Variants in FXYD7 observed in about 807,000 individuals in gnomAD.
FXYD7 encodes FXYD domain containing ion transport regulator 7.
Under a neutral mutation model 15.3 loss-of-function variants are expected in FXYD7, and 7 were observed. The observed-to-expected ratio is 0.46, with a 90% CI of 0.26 to 0.86. The LOEUF is 0.86. Among genes scored for constraint, FXYD7 ranks in the 40% least tolerant of loss-of-function variants. The probability of loss-of-function intolerance (pLI) is 0.16; values close to 1 mark genes in which losing one functional copy is unlikely to be tolerated. For synonymous variants in FXYD7, 39 were observed against 39.3 expected (o/e 0.99, Z 0.03); for missense variants, 78 against 100.6 (o/e 0.78, Z 0.96).
At chr19:35,144,773 G>A (rs1347645448) in intron 1 of FXYD7, among the ~76,000 whole-genome samples, 2 of 152,062 alleles carry the variant, frequency 1.3e-5, no homozygotes, top group East Asian at 1.9e-4. Context: ...GGCAGCAGAC[G>A]GGCAGAGGTG....
chr19:35,146,596 C>G (rs1240964360), intron 1 of FXYD7, among the ~76,000 whole-genome samples: 1 of 152,196 alleles, frequency 6.6e-6, no homozygotes, highest in African/African-American at 2.4e-5. Flanking sequence ...AGTAAATGCG[C>G]TGATATCTGT....
In FXYD7 at chr19:35,143,697, G is replaced by A. The variant is rs1232382405; in HGVS notation, c.31+333G>A. Among the ~76,000 whole-genome samples, 2 of 152,206 alleles carry A rather than the reference G, an allele frequency of 1.3e-5. No homozygotes were observed. The highest frequency in any genetic ancestry group is 3.9e-4 in the East Asian group (2 of 5,192). Reference sequence around the variant, plus strand: ...CGGGGAAGAGATGAGCTTGCAGGGTGGGAGCGGGTGGGTCTGCGACCAGAG... The same window carrying A: ...CGGGGAAGAGATGAGCTTGCAGGGTAGGAGCGGGTGGGTCTGCGACCAGAG... On this transcript the variant is annotated intron_variant, in intron 1 of 5. Coordinates refer to ENST00000270310, the MANE Select transcript of FXYD7 (RefSeq NM_022006.2). The surrounding 1 kb of genome is among the most constrained non-coding windows in gnomAD (Gnocchi z 4.3).
At chr19:35,153,446 G>A (rs1175940757) in intron 5 of FXYD7, among the ~76,000 whole-genome samples, 2 of 152,174 alleles carry the variant, frequency 1.3e-5, no homozygotes, top group Non-Finnish European at 2.9e-5. Context: ...CTTGTCACCT[G>A]GGGCACAGCT....
intron 1 of FXYD7, among the ~76,000 whole-genome samples, chr19:35,146,763 AG>A (rs1024645937): frequency 2.0e-5 from 3 of 152,116 alleles, no homozygotes; most frequent in African/African-American, 7.2e-5. Flanking sequence ...TCTTAGGTAA[AG>A]GGGGGAGATT....
Position 35,151,311 on chromosome 19 carries a change from G to A in FXYD7, c.119G>A (p.Gly40Asp). 6.2e-7 allele frequency: 1 copy of A among 1,609,056 alleles called. No homozygotes were observed. Among genetic ancestry groups the A allele is most frequent in the Non-Finnish European group, 8.5e-7 (1 of 1,175,412 alleles). ...CTGGCAACCATCTTGTTCCTGCTGG[G>A]TATCCTCATCGTCATCAGTAAGTGC... ...MTLATILFLL[G>D]ILIVISKKVK... The change falls in exon 3 of 6, where the codon GGT (glycine) becomes GAT (aspartate). Residue 40 changes from glycine to aspartate, a missense_variant. Physicochemically the swap from Gly to Asp is moderately conservative, Grantham distance 94. Transcript: ENST00000270310.
intron 5 of FXYD7, among the ~76,000 whole-genome samples, chr19:35,152,636 T>G (rs2065315596): frequency 6.8e-6 from 1 of 147,520 alleles, no homozygotes; most frequent in Non-Finnish European, 1.5e-5. Context: ...GGGGAGAGAG[T>G]GGAGAGGACG....
intron 4 of FXYD7, 72 bp from the exon 5 acceptor site, chr19:35,151,561 C>A: frequency 6.3e-7 from 1 of 1,588,838 alleles, no homozygotes; most frequent in Non-Finnish European, 8.6e-7. Context: ...ACTGGGCCTG[C>A]CATGCGTTTT....
intron 1 of FXYD7, among the ~76,000 whole-genome samples, chr19:35,144,451 A>G (rs942045896): frequency 3.3e-5 from 5 of 152,316 alleles, no homozygotes; most frequent in Non-Finnish European, 7.4e-5. Flanking sequence ...TGAGCAAGGC[A>G]CAGACTGCTT....
At position 35,148,896 on chromosome 19, in the gene FXYD7, A is replaced by G. The variant is rs1017723336; in HGVS notation, c.61+173A>G. 6.7e-6 allele frequency: 5 copies of G among 746,770 alleles called. No individual in the cohort carries two copies. In the African/African-American group the frequency reaches 8.5e-5, roughly 13 times the overall value. 46.3% of individuals were successfully genotyped at this position (746,770 alleles called of 1,614,324 possible). Reference sequence around the variant, plus strand: ...CTGAGTTCATGGAGGGCAGAACCAGATGGGGGAGTGGGGATGCCTCACACT... The same window carrying G: ...CTGAGTTCATGGAGGGCAGAACCAGGTGGGGGAGTGGGGATGCCTCACACT... On this transcript the variant is annotated intron_variant, in intron 2 of 5. Coordinates refer to ENST00000270310, the MANE Select transcript of FXYD7 (RefSeq NM_022006.2).
At chr19:35,152,436 C>T (rs1201735847) in intron 5 of FXYD7, among the ~76,000 whole-genome samples, 1 of 147,528 alleles carries the variant, frequency 6.8e-6, no homozygotes, top group Non-Finnish European at 1.5e-5. Flanking sequence ...CTTGATCGTT[C>T]AGCCAGGCAG....
At chr19:35,150,796 T>G (rs1206106376) in intron 2 of FXYD7, among the ~76,000 whole-genome samples, 2 of 152,080 alleles carry the variant, frequency 1.3e-5, no homozygotes, top group African/African-American at 2.4e-5. Flanking sequence ...GGTTTCTACC[T>G]TGAGGGCAAT....
Position 35,154,199 on chromosome 19 carries a change from T to C in FXYD7, c.*283T>C. On this transcript the variant is annotated 3_prime_UTR_variant, in exon 6 of 6. Transcript: ENST00000270310. ...CCAGCACCCCCAGCATCCCCGTGTA[T>C]GGCCCCCCTGCACCTCCTTGTCTCA... 2 of 530,912 alleles carry C rather than the reference T, an allele frequency of 3.8e-6. No individual in the cohort carries two copies. Among genetic ancestry groups the C allele is most frequent in the Non-Finnish European group, 3.3e-6 (1 of 300,634 alleles). The allele number at this position is 530,912 out of a possible 1,614,324, so 32.9% of individuals were successfully genotyped here.
intron 2 of FXYD7, among the ~76,000 whole-genome samples, chr19:35,150,819 G>A (rs2065306937): frequency 6.6e-6 from 1 of 152,080 alleles, no homozygotes; most frequent in African/African-American, 2.4e-5. Context: ...GCGGGAGGAG[G>A]GCTCTGAGCA....
Position 35,143,256 on chromosome 19 carries a change from A to G in FXYD7, c.-78A>G. ...AGGGCTCCCCCCAGCTCCCCCCCAC[A>G]TCGGTCCGTCCTGCTTCCAGCTGCT... On this transcript the variant is annotated 5_prime_UTR_variant, in exon 1 of 6. Transcript: ENST00000270310. The surrounding 1 kb of genome is among the most constrained non-coding windows in gnomAD (Gnocchi z 4.3). The G allele has an allele frequency of 1.6e-6, 1 of 634,588 alleles. No individual in the cohort carries two copies. Among genetic ancestry groups the G allele is most frequent in the South Asian group, 1.6e-5 (1 of 63,704 alleles). The allele number at this position is 634,588 out of a possible 1,614,324, so 39.3% of individuals were successfully genotyped here. A position where few individuals can be genotyped will look rare whatever the true frequency, so the allele number is the denominator to read the frequency against.
Position 35,143,348 on chromosome 19 carries a change from C to A in FXYD7, c.15C>A (p.Thr5=). 2 of 1,527,074 alleles carry A rather than the reference C, an allele frequency of 1.3e-6. No individual in the cohort carries two copies. Among genetic ancestry groups the A allele is most frequent in the Non-Finnish European group, 1.8e-6 (2 of 1,138,330 alleles). The allele number at this position is 1,527,074 out of a possible 1,614,324, so 94.6% of individuals were successfully genotyped here. A position where few individuals can be genotyped will look rare whatever the true frequency, so the allele number is the denominator to read the frequency against. MATP[T]QTPTKAPEEP... is the part of the protein sequence containing the mutation. ...TCCGGCCCAGCATGGCGACCCCGAC[C>A]CAGACCCCCACAAAGGGTGAGCGTC... is the stretch of plus-strand genomic sequence containing the variant. Residue 5 remains threonine (T), a synonymous_variant, in exon 1 of 6, where the codon ACC becomes ACA. Coordinates refer to ENST00000270310, the MANE Select transcript of FXYD7 (RefSeq NM_022006.2). This position sits in a 1 kb window ranked among gnomAD's most constrained non-coding sequence, Gnocchi z 4.3.
rs974286830 is a variant in FXYD7, at chr19:35,154,146, C to G, written c.*230C>G. ...CAGACCCAGGGCCTCAGGCCTCCAG[C>G]TCCTGGGATCCGGGAGTCCATCCCG... On this transcript the variant is annotated 3_prime_UTR_variant, in exon 6 of 6. Coordinates refer to ENST00000270310, the MANE Select transcript of FXYD7 (RefSeq NM_022006.2). 7.4e-6 allele frequency: 4 copies of G among 539,338 alleles called. No homozygotes were observed. The highest frequency in any genetic ancestry group is 1.3e-5 in the Non-Finnish European group (4 of 305,706). The allele number at this position is 539,338 out of a possible 1,614,324, so 33.4% of individuals were successfully genotyped here. A position where few individuals can be genotyped will look rare whatever the true frequency, so the allele number is the denominator to read the frequency against.
intron 1 of FXYD7, among the ~76,000 whole-genome samples, chr19:35,147,969 G>T (rs1237646191): frequency 2.0e-5 from 3 of 150,016 alleles, no homozygotes; most frequent in Non-Finnish European, 4.4e-5. Flanking sequence ...CTCCAGCCTG[G>T]GTGACAGGGC....
intron 5 of FXYD7, among the ~76,000 whole-genome samples, chr19:35,152,330 AG>A (rs1197058618): frequency 1.3e-5 from 2 of 151,976 alleles, no homozygotes; most frequent in African/African-American, 4.8e-5. Flanking sequence ...AGGAAGACAC[AG>A]GCCTGTGAAG....
intron 2 of FXYD7, among the ~76,000 whole-genome samples, chr19:35,150,789 T>C (rs2065306850): frequency 6.6e-6 from 1 of 152,106 alleles, no homozygotes; most frequent in Admixed American, 6.5e-5. Context: ...GGAATGTGGT[T>C]TCTACCTTGA....
Sources: gnomAD v4.1 joint callset for allele counts (sites outside exome capture counted in the v4.1 genomes callset) on GRCh38, gnomAD v4.1.1 for gene constraint, Gnocchi (gnomAD v3.1) non-coding constraint, MANE v1.5 for transcripts, NCBI Gene and HGNC (gene_info 2026-07-23, HGNC 2026-07-21) for gene names.